Variants in GMDS observed in about 807,000 individuals in gnomAD.
GMDS encodes the protein GDP-mannose 4,6 dehydratase.
A neutral mutation model predicts 49.9 loss-of-function variants in GMDS; 20 were observed. The observed-to-expected ratio is 0.40, with a 90% CI of 0.28 to 0.58. The LOEUF (loss-of-function observed/expected upper bound fraction) is 0.58. Ranked by LOEUF, GMDS falls within the 20% of genes least tolerant of loss-of-function variation. The pLI is 0.42. For missense variants in GMDS, 362 were observed against 481.4 expected (o/e 0.75, Z 2.32); for synonymous variants, 177 against 178.6 (o/e 0.99, Z 0.07).
chr6:1,977,627 G>A (rs1028788717), intron 4 of GMDS, among the ~76,000 whole-genome samples: 2 of 152,138 alleles, frequency 1.3e-5, no homozygotes, highest in Non-Finnish European at 2.9e-5. Context: ...AGAAAAGCAG[G>A]GTGGGGCAAT....
At chr6:2,218,952 G>A (rs1202737700) in intron 1 of GMDS, among the ~76,000 whole-genome samples, 1 of 152,068 alleles carries the variant, frequency 6.6e-6, no homozygotes, top group Non-Finnish European at 1.5e-5. Flanking sequence ...AAATAAATAG[G>A]CTGGGCACAG....
intron 7 of GMDS, among the ~76,000 whole-genome samples, chr6:1,837,805 T>G (rs1460334868): frequency 1.3e-5 from 2 of 152,132 alleles, no homozygotes; most frequent in Non-Finnish European, 2.9e-5. Context: ...TGGGGCTTTG[T>G]GCACTTTCCC....
intron 4 of GMDS, among the ~76,000 whole-genome samples, chr6:2,075,679 C>T (rs1433077068): frequency 6.6e-6 from 1 of 152,106 alleles, no homozygotes; most frequent in Non-Finnish European, 1.5e-5. Context: ...GGGTTGGTTC[C>T]AAGTCTTTGC....
At chr6:1,832,388 C>G (rs1408758542) in intron 7 of GMDS, among the ~76,000 whole-genome samples, 3 of 150,060 alleles carry the variant, frequency 2.0e-5, no homozygotes, top group Non-Finnish European at 3.0e-5. Context: ...GTGAGACTCT[C>G]TATACCCCTA....
At chr6:2,126,093 G>C (rs2127511496) in intron 1 of GMDS, among the ~76,000 whole-genome samples, 1 of 152,094 alleles carries the variant, frequency 6.6e-6, no homozygotes, top group East Asian at 1.9e-4. Context: ...ACTTTTAGAG[G>C]GAAAGTATGA....
chr6:2,245,541 G>A lies in GMDS; in HGVS notation c.-119C>T. 2.0e-6 allele frequency: 1 copy of A among 501,550 alleles called. No individual in the cohort carries two copies. 31.1% of individuals were successfully genotyped at this position (501,550 alleles called of 1,614,324 possible). A position where few individuals can be genotyped will look rare whatever the true frequency, so the allele number is the denominator to read the frequency against. ...GCCTCTCCAGGCTGCGGGCAGGGAG[G>A]GAGAGCGCACCGCGCGACCGGCCGC... On this transcript the variant is annotated 5_prime_UTR_variant, in exon 1 of 11. Coordinates refer to ENST00000380815, the MANE Select transcript of GMDS (RefSeq NM_001500.4).
chr6:2,206,253 C>T (rs1334177924), intron 1 of GMDS, among the ~76,000 whole-genome samples: 2 of 151,518 alleles, frequency 1.3e-5, no homozygotes, highest in African/African-American at 4.8e-5. Context: ...AGCAAAACTC[C>T]ATCTCAAGAA....
intron 7 of GMDS, among the ~76,000 whole-genome samples, chr6:1,806,483 T>C (rs1357322897): frequency 6.8e-6 from 1 of 147,578 alleles, no homozygotes; most frequent in East Asian, 2.0e-4. Flanking sequence ...GGCACGCACA[T>C]GCATACACAC....
chr6:2,067,291 A>G (rs1376305377), intron 4 of GMDS, among the ~76,000 whole-genome samples: 1 of 152,080 alleles, frequency 6.6e-6, no homozygotes, highest in Non-Finnish European at 1.5e-5. Flanking sequence ...TTATAGCACT[A>G]AATGCCCACA....
chr6:2,181,799 C>A (rs192397877), intron 1 of GMDS, among the ~76,000 whole-genome samples: 295 of 152,288 alleles, frequency 1.9e-3, no homozygotes, highest in Non-Finnish European at 3.6e-3. Flanking sequence ...CAGGCCTCCC[C>A]CTTCCTTAGA....
At chr6:1,780,040 G>A (rs957319566) in intron 7 of GMDS, among the ~76,000 whole-genome samples, 1 of 152,212 alleles carries the variant, frequency 6.6e-6, no homozygotes, top group African/African-American at 2.4e-5. Context: ...CTCAGGCCAG[G>A]AGCCACCGTG....
chr6:2,186,688 C>T (rs1243203594), intron 1 of GMDS, among the ~76,000 whole-genome samples: 6 of 152,122 alleles, frequency 3.9e-5, no homozygotes, highest in Non-Finnish European at 4.4e-5. Context: ...TTCTGTCAAG[C>T]AAGTACTAAA....
At chr6:1,709,318 C>T (rs866534906) in intron 9 of GMDS, among the ~76,000 whole-genome samples, 9 of 152,308 alleles carry the variant, frequency 5.9e-5, no homozygotes, top group Middle Eastern at 3.4e-3. Context: ...ACCCAGTGCA[C>T]GTGATCTGGG....
intron 4 of GMDS, among the ~76,000 whole-genome samples, chr6:2,010,692 G>T (rs1767505428): frequency 1.3e-5 from 2 of 152,098 alleles, no homozygotes; most frequent in Admixed American, 1.3e-4. Context: ...TCTATGTAAA[G>T]AAATGAAGAA....
chr6:1,904,347 T>G (rs1206706946), intron 7 of GMDS, among the ~76,000 whole-genome samples: 1 of 152,088 alleles, frequency 6.6e-6, no homozygotes, highest in African/African-American at 2.4e-5. Context: ...GGACTCTCAT[T>G]TGCATTCGGG....
At chr6:2,028,308 T>C (rs1430352349) in intron 4 of GMDS, among the ~76,000 whole-genome samples, 1 of 152,224 alleles carries the variant, frequency 6.6e-6, no homozygotes, top group Non-Finnish European at 1.5e-5. Flanking sequence ...TAAGTTTCTC[T>C]AAGTGAAGAA....
At chr6:2,016,769 CT>C (rs1767927941) in intron 4 of GMDS, among the ~76,000 whole-genome samples, 1 of 152,080 alleles carries the variant, frequency 6.6e-6, no homozygotes, top group Non-Finnish European at 1.5e-5. Context: ...ATAAAAACGA[CT>C]TCTAGAAAAT....
chr6:2,232,210 C>T (rs866174010), intron 1 of GMDS, among the ~76,000 whole-genome samples: 1 of 151,202 alleles, frequency 6.6e-6, no homozygotes, highest in Non-Finnish European at 1.5e-5. Flanking sequence ...TCCTAAGATT[C>T]TTACTTTCAA....
chr6:1,723,719 T>A (rs1766476092), intron 9 of GMDS, among the ~76,000 whole-genome samples: 1 of 152,154 alleles, frequency 6.6e-6, no homozygotes, highest in South Asian at 2.1e-4. Flanking sequence ...AAAGCACTTT[T>A]ACAGACTATA....
Sources: gnomAD v4.1 joint callset for allele counts (sites outside exome capture counted in the v4.1 genomes callset) on GRCh38, gnomAD v4.1.1 for gene constraint, MANE v1.5 for transcripts, NCBI Gene and HGNC (gene_info 2026-07-23, HGNC 2026-07-21) for gene names.